PDE11A: variants seen among roughly 807,000 people sequenced by gnomAD.
PDE11A encodes the protein phosphodiesterase 11A, also known as dual 3',5'-cyclic-AMP and -GMP phosphodiesterase 11A.
A neutral mutation model predicts 100.5 loss-of-function variants in PDE11A; 100 were observed. The observed-to-expected ratio is 1.00, with a 90% CI of 0.85 to 1.18. The LOEUF (loss-of-function observed/expected upper bound fraction) is 1.18. PDE11A is among the 50% of genes most tolerant of loss of function. The pLI is 0.00. For synonymous variants in PDE11A, 381 were observed against 420.8 expected (o/e 0.91, Z 1.16); for missense variants, 1,141 against 1,152.6 (o/e 0.99, Z 0.15).
chr2:177,693,117 A>G (rs914435559), intron 15 of PDE11A, among the ~76,000 whole-genome samples: 1 of 152,154 alleles, frequency 6.6e-6, no homozygotes, highest in Non-Finnish European at 1.5e-5. Context: ...TCCAGAAACT[A>G]ATTGTACGGG....
chr2:177,912,733 CATT>C (rs2084900655), intron 2 of PDE11A, among the ~76,000 whole-genome samples: 1 of 152,038 alleles, frequency 6.6e-6, no homozygotes, highest in South Asian at 2.1e-4. Flanking sequence ...CAAGGGTAAC[CATT>C]ATTAACATTT....
chr2:177,814,616 A>G (rs951249450), intron 9 of PDE11A, among the ~76,000 whole-genome samples: 25 of 152,332 alleles, frequency 1.6e-4, no homozygotes, highest in Non-Finnish European at 1.2e-4. Context: ...AATGCCTATA[A>G]GTCAACTTCT....
At chr2:177,945,850 C>A (rs1435026085) in intron 2 of PDE11A, among the ~76,000 whole-genome samples, 2 of 115,704 alleles carry the variant, frequency 1.7e-5, no homozygotes, top group African/African-American at 5.4e-5. Context: ...CCCCGCCTGG[C>A]CAGCCGTGCC....
rs1282993071 is a variant in PDE11A, at chr2:177,629,714, G to A, written c.2647-152C>T. ...GGTAAACAAGAGCTATTTACAAGAA[G>A]TAAATATGCATTTAACACCAATATG... On this transcript the variant is annotated intron_variant, in intron 19 of 19. Coordinates refer to ENST00000286063, the MANE Select transcript of PDE11A (RefSeq NM_016953.4). The A allele has an allele frequency of 6.4e-6, 5 of 782,266 alleles. No individual in the cohort carries two copies. In the Admixed American group the frequency reaches 1.0e-4, roughly 16 times the overall value. The allele number at this position is 782,266 out of a possible 1,614,324, so 48.5% of individuals were successfully genotyped here.
chr2:177,924,614 T>C (rs1403175038), intron 2 of PDE11A, among the ~76,000 whole-genome samples: 1 of 152,178 alleles, frequency 6.6e-6, no homozygotes. Flanking sequence ...GGGCACAATC[T>C]CTGGTACAAT....
intron 19 of PDE11A, among the ~76,000 whole-genome samples, chr2:177,656,979 A>T (rs2080397811): frequency 6.6e-6 from 1 of 152,190 alleles, no homozygotes; most frequent in African/African-American, 2.4e-5. Context: ...TCCGAATGCT[A>T]TACCGAGGAC....
rs1010795348 is a variant in PDE11A, at chr2:177,945,161, G to A, written c.1072-39974C>T. On this transcript the variant is annotated intron_variant, in intron 2 of 19. Coordinates refer to ENST00000286063, the MANE Select transcript of PDE11A (RefSeq NM_016953.4). ...GGCTGGAGTGCAGTGGCGTGGTCTCGGCTCACTACAACCTACACCTCCCAG... is the reference window on the plus strand; with the variant it reads ...GGCTGGAGTGCAGTGGCGTGGTCTCAGCTCACTACAACCTACACCTCCCAG... Among the ~76,000 whole-genome samples the A allele has an allele frequency of 1.1e-4, 16 of 151,184 alleles. 1 individual carries two copies. The highest frequency in any genetic ancestry group is 3.4e-4 in the African/African-American group (14 of 41,288).
At chr2:178,054,041 C>T (rs552759401) in intron 1 of PDE11A, among the ~76,000 whole-genome samples, 2 of 152,142 alleles carry the variant, frequency 1.3e-5, no homozygotes, top group Non-Finnish European at 2.9e-5. Context: ...AAAAAAGAGC[C>T]CGCATCGCCA....
At chr2:177,948,480 G>C (rs1349418613) in intron 2 of PDE11A, among the ~76,000 whole-genome samples, 1 of 152,120 alleles carries the variant, frequency 6.6e-6, no homozygotes, top group Non-Finnish European at 1.5e-5. Flanking sequence ...ATGATAGGTA[G>C]AAAATAGTAT....
intron 2 of PDE11A, among the ~76,000 whole-genome samples, chr2:178,090,748 A>C (rs1018970469): frequency 6.6e-6 from 1 of 152,228 alleles, no homozygotes; most frequent in African/African-American, 2.4e-5. Context: ...CTGAGCTCTG[A>C]AACTGGCAAC....
chr2:177,719,053 T>C (rs1433511171), intron 12 of PDE11A, among the ~76,000 whole-genome samples: 2 of 152,130 alleles, frequency 1.3e-5, no homozygotes, highest in Non-Finnish European at 2.9e-5. Flanking sequence ...TGTCATAACA[T>C]TGGTTGTGCT....
chr2:177,636,499 A>G (rs1005670379), intron 19 of PDE11A, among the ~76,000 whole-genome samples: 5 of 152,188 alleles, frequency 3.3e-5, no homozygotes, highest in Admixed American at 6.5e-5. Flanking sequence ...CTGAATGCTT[A>G]GTTGGAGTCA....
At chr2:177,951,623 A>G (rs907776676) in intron 2 of PDE11A, among the ~76,000 whole-genome samples, 1 of 152,146 alleles carries the variant, frequency 6.6e-6, no homozygotes, top group Non-Finnish European at 1.5e-5. Flanking sequence ...GCATTTGTGA[A>G]GGTTTTCTGA....
chr2:177,945,384 T>C (rs1490643531), intron 2 of PDE11A, among the ~76,000 whole-genome samples: 2 of 134,632 alleles, frequency 1.5e-5, no homozygotes, highest in Non-Finnish European at 3.2e-5. Flanking sequence ...GGAGCGCCTC[T>C]TCCCAGCCGC....
At chr2:177,721,921 A>C (rs892794897) in intron 12 of PDE11A, among the ~76,000 whole-genome samples, 9 of 152,102 alleles carry the variant, frequency 5.9e-5, no homozygotes, top group African/African-American at 2.2e-4. Context: ...AACTTTTTAT[A>C]GCTCCCAACT....
chr2:177,720,462 T>C (rs3770028), intron 12 of PDE11A, among the ~76,000 whole-genome samples: 25,498 of 152,044 alleles, frequency 0.17, 2,285 homozygotes, highest in Middle Eastern at 0.27. Flanking sequence ...GAGCAAACTA[T>C]AGCATCTAGA....
intron 19 of PDE11A, among the ~76,000 whole-genome samples, chr2:177,648,824 TA>T (rs2080261793): frequency 6.6e-6 from 1 of 152,066 alleles, no homozygotes; most frequent in South Asian, 2.1e-4. Context: ...TGAAGAAAAC[TA>T]GGTAAGATAA....
intron 10 of PDE11A, among the ~76,000 whole-genome samples, chr2:177,742,104 A>C (rs1007319179): frequency 6.6e-6 from 1 of 152,000 alleles, no homozygotes; most frequent in African/African-American, 2.4e-5. Flanking sequence ...ATCAGGCTGC[A>C]CAGTCTGCCA....
chr2:178,106,827 G>A (rs962066466), intron 1 of PDE11A, among the ~76,000 whole-genome samples: 3 of 151,790 alleles, frequency 2.0e-5, no homozygotes, highest in African/African-American at 4.8e-5. Flanking sequence ...GGGTGTGGTG[G>A]TGCATGCCTG....
Sources: allele counts gnomAD v4.1 joint callset (sites outside exome capture counted in the v4.1 genomes callset), GRCh38; gene constraint gnomAD v4.1.1; transcripts MANE v1.5; gene names NCBI Gene and HGNC (gene_info 2026-07-23, HGNC 2026-07-21).